Variants in WASHC5 observed in about 807,000 individuals in gnomAD.
The protein encoded by WASHC5 is WASH complex subunit strumpellin.
A neutral mutation model predicts 150.4 loss-of-function variants in WASHC5; 101 were observed. That is an observed-to-expected ratio of 0.67 (90% CI 0.57 to 0.79). The LOEUF (loss-of-function observed/expected upper bound fraction) is 0.79. Among genes scored for constraint, WASHC5 ranks in the 30% least tolerant of loss-of-function variants. WASHC5 has a pLI of 0.00. For missense variants in WASHC5, 1,195 were observed against 1,396.3 expected (o/e 0.86, Z 2.30); for synonymous variants, 467 against 491.2 (o/e 0.95, Z 0.65).
Position 125,043,295 on chromosome 8 carries a change from A to T in WASHC5, c.2850+530T>A, listed in dbSNP as rs574184017. On this transcript the variant is annotated intron_variant, in intron 23 of 28. Transcript: ENST00000318410. ...CAGGAAACTAGGCAGCTGGATTCTAAAATAAGTTAGACTTCCATCCAGCAA... is the reference window on the plus strand; with the variant it reads ...CAGGAAACTAGGCAGCTGGATTCTATAATAAGTTAGACTTCCATCCAGCAA... Among the ~76,000 whole-genome samples, 3 of 152,326 alleles carry T rather than the reference A, an allele frequency of 2.0e-5. No individual in the cohort carries two copies. In the South Asian group the frequency reaches 6.2e-4, roughly 32 times the overall value.
At chr8:125,060,214 C>T (rs898433560) in intron 12 of WASHC5, among the ~76,000 whole-genome samples, 4 of 152,010 alleles carry the variant, frequency 2.6e-5, no homozygotes, top group South Asian at 2.1e-4. Context: ...TGGCCGGGCA[C>T]GGTGGCTCAT....
chr8:125,039,964 A>G (rs988132492), intron 23 of WASHC5, 66 bp from the exon 24 acceptor site: 7 of 1,023,746 alleles, frequency 6.8e-6, no homozygotes, highest in Non-Finnish European at 1.1e-5. Flanking sequence ...GTGAGGAGGT[A>G]AACACAAAGA....
chr8:125,073,095 C>T, intron 9 of WASHC5, 58 bp downstream of exon 9: 1 of 1,554,816 alleles, frequency 6.4e-7, no homozygotes, highest in Non-Finnish European at 8.9e-7. Context: ...GAAGTAGGTC[C>T]TGATTCTGAG....
chr8:125,053,380 A>T (rs1388342359), intron 17 of WASHC5, among the ~76,000 whole-genome samples: 1 of 152,122 alleles, frequency 6.6e-6, no homozygotes, highest in Non-Finnish European at 1.5e-5. Flanking sequence ...ACACTGTGGG[A>T]AAAGATCAGT....
intron 9 of WASHC5, among the ~76,000 whole-genome samples, chr8:125,070,535 C>T (rs1816867695): frequency 6.6e-6 from 1 of 152,196 alleles, no homozygotes; most frequent in Non-Finnish European, 1.5e-5. Flanking sequence ...GAGGCTGAGT[C>T]ACTAGAAAAC....
At position 125,083,733 on chromosome 8, in the gene WASHC5, A is replaced by G. The variant is rs751591590; in HGVS notation, c.166T>C (p.Phe56Leu). 2.5e-6 allele frequency: 4 copies of G among 1,612,750 alleles called. No individual in the cohort carries two copies. In the Admixed American group the frequency reaches 5.0e-5, roughly 20 times the overall value. Reference sequence around the variant, plus strand: ...ATTACCTTAAAATAGCTGAAATCAAATATGATATCTCCATATTTCTGTTGA... The same window carrying G: ...ATTACCTTAAAATAGCTGAAATCAAGTATGATATCTCCATATTTCTGTTGA... ...ADQQKYGDII[F>L]DFSYFKGPEL... is the part of the protein sequence containing the mutation. The change falls in exon 2 of 29, where the codon TTT (phenylalanine) becomes CTT (leucine). Residue 56 changes from phenylalanine to leucine, a missense_variant. Around this residue, in one of 3 missense-constraint regions of WASHC5, gnomAD observed 195 missense variants for 206.9 expected, o/e 0.94. Coordinates refer to ENST00000318410, the MANE Select transcript of WASHC5 (RefSeq NM_014846.4).
chr8:125,071,225 G>A (rs1294521255), intron 9 of WASHC5, among the ~76,000 whole-genome samples: 3 of 152,192 alleles, frequency 2.0e-5, no homozygotes, highest in Non-Finnish European at 4.4e-5. Flanking sequence ...GGAATGCATT[G>A]GTTAATTAGT....
At chr8:125,027,042 A>C (rs1296765407) in intron 28 of WASHC5, among the ~76,000 whole-genome samples, 2 of 152,168 alleles carry the variant, frequency 1.3e-5, no homozygotes, top group Non-Finnish European at 2.9e-5. Flanking sequence ...TTTTTTAATA[A>C]AGTGTTCTTT....
Position 125,076,515 on chromosome 8 carries a change from C to A in WASHC5, c.712-15G>T, listed in dbSNP as rs376729013. On this transcript the variant is annotated splice_polypyrimidine_tract_variant and intron_variant, in intron 6 of 28. Transcript: ENST00000318410. ...TACGCTGAGACCTGCAATGTCAAGA[C>A]GACACCCCGAGAAAGCTGTTGGCAA... 1 of 1,613,148 alleles carries A rather than the reference C, an allele frequency of 6.2e-7. No homozygotes were observed. Among genetic ancestry groups the A allele is most frequent in the Non-Finnish European group, 8.5e-7 (1 of 1,179,824 alleles).
At chr8:125,054,608 C>A (rs553070764) in intron 17 of WASHC5, among the ~76,000 whole-genome samples, 19 of 151,704 alleles carry the variant, frequency 1.3e-4, no homozygotes, top group Admixed American at 8.5e-4. Flanking sequence ...CCGAGGCGGG[C>A]GGGTCACGAG....
intron 9 of WASHC5, among the ~76,000 whole-genome samples, chr8:125,072,106 C>T (rs78388961): frequency 0.11 from 16,699 of 151,710 alleles, 2,153 homozygotes; most frequent in African/African-American, 0.31. Context: ...TTTGGGAGGC[C>T]GAGGTGGGCA....
In WASHC5 at chr8:125,024,526, G is replaced by T; in HGVS notation, c.*91C>A. 1.0e-6 allele frequency: 1 copy of T among 955,090 alleles called. No homozygotes were observed. The highest frequency in any genetic ancestry group is 1.7e-6 in the Non-Finnish European group (1 of 582,076). 59.2% of individuals were successfully genotyped at this position (955,090 alleles called of 1,614,324 possible). A position where few individuals can be genotyped will look rare whatever the true frequency, so the allele number is the denominator to read the frequency against. On this transcript the variant is annotated 3_prime_UTR_variant, in exon 29 of 29. Coordinates refer to ENST00000318410, the MANE Select transcript of WASHC5 (RefSeq NM_014846.4). ...ATAGACAGAAAAAATGCAGTTGTAT[G>T]AGCAACTGAGTTTCTTTTCATCTTC...
At chr8:125,050,799 CT>C in intron 17 of WASHC5, 134 bp from the exon 18 acceptor site, 1 of 701,924 alleles carries the variant, frequency 1.4e-6, no homozygotes, top group Non-Finnish European at 2.6e-6. Context: ...GAATTTTTTC[CT>C]TTCCTGTCCC....
chr8:125,081,334 T>C (rs902450685), intron 5 of WASHC5, among the ~76,000 whole-genome samples: 6 of 150,774 alleles, frequency 4.0e-5, no homozygotes, highest in Non-Finnish European at 8.8e-5. Flanking sequence ...GCCTCCCGAG[T>C]TCAGGCGATT....
At chr8:125,088,578 A>G (rs1817496742) in intron 1 of WASHC5, among the ~76,000 whole-genome samples, 1 of 152,038 alleles carries the variant, frequency 6.6e-6, no homozygotes, top group Admixed American at 6.6e-5. Flanking sequence ...GGTGTGAGAG[A>G]GCCCTGGGGA....
chr8:125,044,113 G>A lies in WASHC5; in HGVS notation c.2668-19C>T, dbSNP rs368313044. ...GGAAATTCTAAAAACAAGAAGGCAC[G>A]GTCAAAGAACCAAACATAATGAATT... is the stretch of plus-strand genomic sequence containing the variant. On this transcript the variant is annotated intron_variant, in intron 21 of 28. Coordinates refer to ENST00000318410, the MANE Select transcript of WASHC5 (RefSeq NM_014846.4). 736 of 1,486,882 alleles carry A rather than the reference G, an allele frequency of 4.9e-4. 2 individuals are homozygous for A. The highest frequency in any genetic ancestry group is 6.3e-4 in the Non-Finnish European group (670 of 1,064,904). 92.1% of individuals were successfully genotyped at this position (1,486,882 alleles called of 1,614,324 possible).
In WASHC5 at chr8:125,084,014, T is replaced by A; in HGVS notation, c.-116A>T. On this transcript the variant is annotated 5_prime_UTR_variant, in exon 2 of 29. It removes an upstream start codon present in the reference 5' UTR. Coordinates refer to ENST00000318410, the MANE Select transcript of WASHC5 (RefSeq NM_014846.4). ...GTGTGCAGAGAGATTGGCTCCTCCA[T>A]TAAAGAACCTGTATCCCCAAAAAAA... is the stretch of plus-strand genomic sequence containing the variant. 2 of 966,734 alleles carry A rather than the reference T, an allele frequency of 2.1e-6. No homozygotes were observed. The highest frequency in any genetic ancestry group is 3.2e-6 in the Non-Finnish European group (2 of 620,972). The allele number at this position is 966,734 out of a possible 1,614,324, so 59.9% of individuals were successfully genotyped here.
rs766834018 is a variant in WASHC5 at position 125,049,065 on chromosome 8, C to A, written c.2320G>T (p.Val774Leu). The A allele has an allele frequency of 1.2e-6, 2 of 1,613,980 alleles. No homozygotes were observed. Among genetic ancestry groups the A allele is most frequent in the South Asian group, 1.1e-5 (1 of 91,074 alleles). ...ACGTTGTAATTTATGATACGAGATA[C>A]TTCTTCCTGCCAAATCTTCAGACCA... is the stretch of plus-strand genomic sequence containing the variant. ...IYGLKIWQEE[V>L]SRIINYNVEQ... Residue 774 changes from valine (V) to leucine (L), a missense_variant, in exon 19 of 29, where the codon GTA becomes TTA. By Grantham distance (32) the Val-to-Leu change is conservative. Transcript: ENST00000318410.
At position 125,083,271 on chromosome 8, in the gene WASHC5, A is replaced by T; in HGVS notation, c.187-13T>A. On this transcript the variant is annotated splice_polypyrimidine_tract_variant and intron_variant, in intron 2 of 28. Coordinates refer to ENST00000318410, the MANE Select transcript of WASHC5 (RefSeq NM_014846.4). ...ATAATTCTGGACCCTGAGAAAAAAAAACACATGTGAAATGTCAATAAAAGC... is the reference window on the plus strand; with the variant it reads ...ATAATTCTGGACCCTGAGAAAAAAATACACATGTGAAATGTCAATAAAAGC... 6.2e-7 allele frequency: 1 copy of T among 1,611,034 alleles called. No individual in the cohort carries two copies. Among genetic ancestry groups the T allele is most frequent in the Non-Finnish European group, 8.5e-7 (1 of 1,177,964 alleles).
Sources: allele counts gnomAD v4.1 joint callset (sites outside exome capture counted in the v4.1 genomes callset), GRCh38; gene constraint gnomAD v4.1.1; regional missense constraint gnomAD v4.1.1; transcripts MANE v1.5; gene names NCBI Gene and HGNC (gene_info 2026-07-23, HGNC 2026-07-21).